MGRN1: variants seen among roughly 807,000 people sequenced by gnomAD.
MGRN1 encodes mahogunin ring finger 1.
A neutral mutation model predicts 69.2 loss-of-function variants in MGRN1; 29 were observed. The observed-to-expected ratio is 0.42, with a 90% CI of 0.31 to 0.57. MGRN1 has a LOEUF of 0.57. Ranked by LOEUF, MGRN1 falls within the 20% of genes least tolerant of loss-of-function variation. The pLI, the probability that MGRN1 is intolerant of heterozygous loss-of-function variation, is 0.15. For synonymous variants in MGRN1, 470 were observed against 344.2 expected (o/e 1.37, Z -4.04); for missense variants, 998 against 796.2 (o/e 1.25, Z -3.05).
chr16:4,659,894 G>C (rs1249734692), intron 5 of MGRN1, among the ~76,000 whole-genome samples: 1 of 152,240 alleles, frequency 6.6e-6, no homozygotes, highest in African/African-American at 2.4e-5. Context: ...ATCTCCCTCA[G>C]CTGGCCCTGC....
At chr16:4,646,735 A>G (rs1351157499) in intron 1 of MGRN1, among the ~76,000 whole-genome samples, 1 of 152,144 alleles carries the variant, frequency 6.6e-6, no homozygotes, top group Non-Finnish European at 1.5e-5. Context: ...CCGGGAGGTG[A>G]GATGCGCTGG....
intron 12 of MGRN1, chr16:4,681,341 C>T (rs897871703): frequency 5.3e-6 from 3 of 568,180 alleles, no homozygotes; most frequent in Non-Finnish European, 6.2e-6. Context: ...CAGGCACCAG[C>T]GTGGGCATTT....
At chr16:4,674,173 G>A (rs1468183853) in intron 10 of MGRN1, among the ~76,000 whole-genome samples, 1 of 152,154 alleles carries the variant, frequency 6.6e-6, no homozygotes, top group Non-Finnish European at 1.5e-5. Flanking sequence ...TATTAGAGAT[G>A]GGGTTTTGCC....
At chr16:4,639,342 C>T (rs558281527) in intron 1 of MGRN1, among the ~76,000 whole-genome samples, 225 of 152,196 alleles carry the variant, frequency 1.5e-3, no homozygotes, top group African/African-American at 4.1e-3. Flanking sequence ...GGCCTCACCG[C>T]GGCATCCCAA....
chr16:4,646,460 G>A (rs910396961), intron 1 of MGRN1, among the ~76,000 whole-genome samples: 3 of 151,604 alleles, frequency 2.0e-5, no homozygotes, highest in African/African-American at 7.3e-5. Flanking sequence ...GTGGTCCTCT[G>A]AGGGCTTGCC....
At position 4,673,809 on chromosome 16, in the gene MGRN1, G is replaced by A. The variant is rs377656398; in HGVS notation, c.955+152G>A. 3 of 1,049,546 alleles carry A rather than the reference G, an allele frequency of 2.9e-6. No individual in the cohort carries two copies. The African/African-American group carries it at 4.8e-5, about 17-fold the overall frequency. 65.0% of individuals were successfully genotyped at this position (1,049,546 alleles called of 1,614,324 possible). ...AGTCTGTGCTGAACGTGGGCGTGTTGGCTGTCGGAGTCAGTCACCGTGAGA... is the reference window on the plus strand; with the variant it reads ...AGTCTGTGCTGAACGTGGGCGTGTTAGCTGTCGGAGTCAGTCACCGTGAGA... On this transcript the variant is annotated intron_variant, in intron 10 of 16. Transcript: ENST00000262370.
chr16:4,687,516 A>G (rs2079355634), intron 16 of MGRN1: 1 of 983,690 alleles, frequency 1.0e-6, no homozygotes, highest in Non-Finnish European at 1.2e-6. Flanking sequence ...CTCAATAAAA[A>G]AAAATACACA....
intron 1 of MGRN1, among the ~76,000 whole-genome samples, chr16:4,643,198 G>A (rs562944622): frequency 6.6e-6 from 1 of 152,068 alleles, no homozygotes; most frequent in African/African-American, 2.4e-5. Flanking sequence ...CTGACCTTGT[G>A]ATCCACTCCT....
In MGRN1 at chr16:4,652,064, T is replaced by A. The variant is rs551196927; in HGVS notation, c.296+13T>A. On this transcript the variant is annotated intron_variant, in intron 3 of 16. Coordinates refer to ENST00000262370, the MANE Select transcript of MGRN1 (RefSeq NM_015246.4). ...TGCGGCTGGTGAGGTAACTTCACCC[T>A]GCCCCTGGGGACCCTGTGGCTCTGT... The A allele has an allele frequency of 3.7e-6, 6 of 1,611,850 alleles. No individual in the cohort carries two copies. In the African/African-American group the frequency reaches 6.7e-5, roughly 18 times the overall value.
At chr16:4,638,000 G>A (rs1267139090) in intron 1 of MGRN1, among the ~76,000 whole-genome samples, 1 of 152,170 alleles carries the variant, frequency 6.6e-6, no homozygotes, top group Non-Finnish European at 1.5e-5. Flanking sequence ...TTTGTGTTCC[G>A]CACTGGAAGC....
chr16:4,630,025 G>A (rs1261828028), intron 1 of MGRN1, among the ~76,000 whole-genome samples: 1 of 148,676 alleles, frequency 6.7e-6, no homozygotes, highest in African/African-American at 2.5e-5. Flanking sequence ...ACTGCAGCCT[G>A]GGCAAACAGT....
intron 5 of MGRN1, among the ~76,000 whole-genome samples, chr16:4,663,234 T>G (rs2078722389): frequency 6.6e-6 from 1 of 152,112 alleles, no homozygotes; most frequent in African/African-American, 2.4e-5. Context: ...TGGCTAATTT[T>G]TGTATTTTTA....
At chr16:4,640,610 A>C (rs1377047635) in intron 1 of MGRN1, 4 of 152,298 alleles carry the variant, frequency 2.6e-5, no homozygotes, top group Non-Finnish European at 5.9e-5. Context: ...TGGGTCCTTG[A>C]GTGTGTTGGT....
intron 1 of MGRN1, among the ~76,000 whole-genome samples, chr16:4,642,106 C>T (rs2078172347): frequency 6.7e-6 from 1 of 148,408 alleles, no homozygotes; most frequent in Non-Finnish European, 1.5e-5. Flanking sequence ...ATGCATTTCC[C>T]TGTCAGCATA....
intron 11 of MGRN1, 119 bp from the exon 12 acceptor site, chr16:4,679,913 G>A: frequency 1.0e-6 from 1 of 954,492 alleles, no homozygotes; most frequent in Non-Finnish European, 1.6e-6. Context: ...ACGTCCCCCG[G>A]AAGCTTGTGA....
rs2078988399 is a variant in MGRN1, at chr16:4,673,563, C to A, written c.861C>A (p.Asp287Glu). 6.2e-7 allele frequency: 1 copy of A among 1,613,836 alleles called. No individual in the cohort carries two copies. The highest frequency in any genetic ancestry group is 8.5e-7 in the Non-Finnish European group (1 of 1,179,982). ...TGGTGTGCCTGTCCGACCTGCGGGA[C>A]ACGCTGATCCTGCCCTGCCGCCACC... ...ECVVCLSDLRDTLILPCRHLC... is the reference protein window; with the variant it reads ...ECVVCLSDLRETLILPCRHLC... Residue 287 changes from aspartate (D) to glutamate (E), a missense_variant, in exon 10 of 17, where the codon GAC becomes GAA. Coordinates refer to ENST00000262370, the MANE Select transcript of MGRN1 (RefSeq NM_015246.4).
chr16:4,688,772 T>G (rs1248779299), intron 16 of MGRN1, 24 bp from the exon 17 acceptor site: 1 of 1,525,392 alleles, frequency 6.6e-7, no homozygotes, highest in Non-Finnish European at 8.9e-7. Flanking sequence ...AGTGTGACCC[T>G]CCTCCCTCTG....
At chr16:4,645,152 G>A (rs1260266123) in intron 1 of MGRN1, among the ~76,000 whole-genome samples, 1 of 149,766 alleles carries the variant, frequency 6.7e-6, no homozygotes, top group Non-Finnish European at 1.5e-5. Flanking sequence ...TGGCGGGGGT[G>A]GGGGTGGTGG....
intron 10 of MGRN1, among the ~76,000 whole-genome samples, chr16:4,675,646 G>A (rs1163522766): frequency 1.3e-5 from 2 of 151,896 alleles, no homozygotes; most frequent in Admixed American, 6.6e-5. Context: ...CGGGAGGATC[G>A]GCTGAGCCTG....
Sources: allele counts gnomAD v4.1 joint callset (sites outside exome capture counted in the v4.1 genomes callset), GRCh38; gene constraint gnomAD v4.1.1; transcripts MANE v1.5; gene names NCBI Gene and HGNC (gene_info 2026-07-23, HGNC 2026-07-21).